Variants in ZNF292 observed in about 807,000 individuals in gnomAD.
ZNF292 encodes the protein zinc finger protein 292, also known as 16 zinc-finger domain protein.
Under a neutral mutation model 217.9 loss-of-function variants are expected in ZNF292, and 26 were observed. That is an observed-to-expected ratio of 0.12 (90% confidence interval 0.09 to 0.17). The LOEUF is 0.17. Ranked by LOEUF, ZNF292 falls within the 10% of genes least tolerant of loss-of-function variation. The pLI is 1.00. For synonymous variants in ZNF292, 1,257 were observed against 1,124.1 expected (o/e 1.12, Z -2.37); for missense variants, 2,904 against 3,175.2 (o/e 0.91, Z 2.05).
intron 4 of ZNF292, among the ~76,000 whole-genome samples, chr6:87,226,511 A>AT: frequency 6.6e-6 from 1 of 151,396 alleles, no homozygotes; most frequent in South Asian, 2.1e-4. Flanking sequence ...CTATTTTATA[A>AT]TTAAATATAA....
chr6:87,159,042 A>G (rs764736246), intron 1 of ZNF292, among the ~76,000 whole-genome samples: 2 of 152,354 alleles, frequency 1.3e-5, no homozygotes, highest in East Asian at 1.9e-4. Context: ...TTTACATTCT[A>G]TGTAATTTTT....
intron 1 of ZNF292, among the ~76,000 whole-genome samples, chr6:87,176,359 A>G (rs1368693463): frequency 1.3e-5 from 2 of 152,226 alleles, no homozygotes; most frequent in Non-Finnish European, 2.9e-5. Flanking sequence ...AGGGGAGCTT[A>G]ACAAGGCCTG....
At chr6:87,178,439 A>G (rs946160573) in intron 1 of ZNF292, among the ~76,000 whole-genome samples, 11 of 152,148 alleles carry the variant, frequency 7.2e-5, no homozygotes, top group Non-Finnish European at 4.4e-5. Context: ...TCTGAATTGG[A>G]TATCTATATT....
chr6:87,195,292 G>C (rs983169134), intron 1 of ZNF292, among the ~76,000 whole-genome samples: 3 of 152,172 alleles, frequency 2.0e-5, no homozygotes, highest in Non-Finnish European at 4.4e-5. Flanking sequence ...GAACAGAAAA[G>C]TATATTAGTA....
intron 1 of ZNF292, among the ~76,000 whole-genome samples, chr6:87,186,452 A>C (rs1274182139): frequency 1.3e-5 from 2 of 152,198 alleles, no homozygotes; most frequent in South Asian, 2.1e-4. Context: ...CTGTGAGTAC[A>C]CTTTGCATCT....
At chr6:87,229,839 A>G (rs781612372) in intron 4 of ZNF292, among the ~76,000 whole-genome samples, 1 of 152,228 alleles carries the variant, frequency 6.6e-6, no homozygotes, top group African/African-American at 2.4e-5. Flanking sequence ...AGGGAAGACA[A>G]TCAAGTGTGT....
chr6:87,243,935 C>T (rs1774438066), intron 6 of ZNF292, among the ~76,000 whole-genome samples: 1 of 152,098 alleles, frequency 6.6e-6, no homozygotes, highest in Non-Finnish European at 1.5e-5. Flanking sequence ...CAATACATTT[C>T]TTTTTATGGT....
intron 1 of ZNF292, among the ~76,000 whole-genome samples, chr6:87,156,651 A>G (rs778596304): frequency 6.6e-6 from 1 of 152,194 alleles, no homozygotes; most frequent in African/African-American, 2.4e-5. Flanking sequence ...ACTGAGGTTC[A>G]TGTGGATCTG....
At chr6:87,245,709 CT>C in intron 7 of ZNF292, 65 bp downstream of exon 7, 1 of 1,081,130 alleles carries the variant, frequency 9.2e-7, no homozygotes, top group Non-Finnish European at 1.2e-6. Flanking sequence ...AAGACTATAA[CT>C]TTTATGATTT....
At position 87,256,468 on chromosome 6, in the gene ZNF292, A is replaced by G; in HGVS notation, c.2839A>G (p.Ile947Val). 6.2e-7 allele frequency: 1 copy of G among 1,609,228 alleles called. No individual in the cohort carries two copies. Among genetic ancestry groups the G allele is most frequent in the Middle Eastern group, 1.6e-4 (1 of 6,062 alleles). The part of the protein sequence containing the change: ...VSIKVSLNQG[I>V]EDNFGKQENS... ...CATTAAGGTGTCTCTCAATCAGGGGATTGAGGATAACTTTGGAAAGCAAGA... is the reference window on the plus strand; with the variant it reads ...CATTAAGGTGTCTCTCAATCAGGGGGTTGAGGATAACTTTGGAAAGCAAGA... The change falls in exon 8 of 8, where the codon ATT becomes GTT. Residue 947 changes from isoleucine (I) to valine (V), a missense_variant. This residue lies in a region of ZNF292 where 687 missense variants were observed against 623.0 expected (regional missense o/e 1.10). Coordinates refer to ENST00000369577, the MANE Select transcript of ZNF292 (RefSeq NM_015021.3).
intron 1 of ZNF292, among the ~76,000 whole-genome samples, chr6:87,174,861 A>AAATTT (rs1562123321): frequency 6.6e-6 from 1 of 152,210 alleles, no homozygotes; most frequent in Non-Finnish European, 1.5e-5. Context: ...ATGCAAATAT[A>AAATTT]CTCAGTGCTA....
chr6:87,169,524 A>T (rs1445612556), intron 1 of ZNF292: 1 of 306,384 alleles, frequency 3.3e-6, no homozygotes, highest in African/African-American at 2.2e-5. Context: ...AATTAAGTCT[A>T]GCACTAATTT....
At chr6:87,208,881 G>A (rs4110985) in intron 1 of ZNF292, among the ~76,000 whole-genome samples, 95,252 of 151,984 alleles carry the variant, frequency 0.63, 31,335 homozygotes, top group African/African-American at 0.83. Context: ...GAAAAAAGGG[G>A]CTTGCTGTCT....
chr6:87,257,251 G>C lies in ZNF292; in HGVS notation c.3622G>C (p.Glu1208Gln). The C allele has an allele frequency of 6.2e-7, 1 of 1,613,740 alleles. No individual in the cohort carries two copies. Among genetic ancestry groups the C allele is most frequent in the South Asian group, 1.1e-5 (1 of 91,068 alleles). Residue 1208 changes from glutamate to glutamine, a missense_variant, in exon 8 of 8, where the codon GAA becomes CAA. Physicochemically the swap from Glu to Gln is conservative, Grantham distance 29 (BLOSUM62 2). This residue lies in a region of ZNF292 where 687 missense variants were observed against 623.0 expected (regional missense o/e 1.10). Coordinates refer to ENST00000369577, the MANE Select transcript of ZNF292 (RefSeq NM_015021.3). ...SVSTPLLSSMESVINPNITSQ... is the reference protein window; with the variant it reads ...SVSTPLLSSMQSVINPNITSQ... ...GTCAACTCCATTGTTGTCCTCAATGGAAAGTGTCATAAATCCAAATATAAC... is the reference window on the plus strand; with the variant it reads ...GTCAACTCCATTGTTGTCCTCAATGCAAAGTGTCATAAATCCAAATATAAC...
At position 87,259,172 on chromosome 6, in the gene ZNF292, A is replaced by G. The variant is rs1562191033; in HGVS notation, c.5543A>G (p.Lys1848Arg). 5 of 1,613,526 alleles carry G rather than the reference A, an allele frequency of 3.1e-6. No homozygotes were observed. The highest frequency in any genetic ancestry group is 4.2e-6 in the Non-Finnish European group (5 of 1,179,698). ...ATTTTAGAAGGCTTACAGAAATTAAAATTAGAAAATGACCTATCCACTCCA... is the reference window on the plus strand; with the variant it reads ...ATTTTAGAAGGCTTACAGAAATTAAGATTAGAAAATGACCTATCCACTCCA... ...QEILEGLQKL[K>R]LENDLSTPAS... is the part of the protein sequence containing the mutation. The change falls in exon 8 of 8, where the codon AAA (lysine) becomes AGA (arginine). Residue 1848 changes from lysine to arginine, a missense_variant. Coordinates refer to ENST00000369577, the MANE Select transcript of ZNF292 (RefSeq NM_015021.3).
intron 4 of ZNF292, among the ~76,000 whole-genome samples, chr6:87,227,544 T>C (rs998304830): frequency 6.6e-6 from 1 of 152,224 alleles, no homozygotes; most frequent in Non-Finnish European, 1.5e-5. Flanking sequence ...TCAGAACTTT[T>C]TCATCTTGAA....
chr6:87,261,814 T>C lies in ZNF292; in HGVS notation c.*13T>C. On this transcript the variant is annotated 3_prime_UTR_variant, in exon 8 of 8. Coordinates refer to ENST00000369577, the MANE Select transcript of ZNF292 (RefSeq NM_015021.3). The stretch of plus-strand genomic sequence containing the variant: ...AGGTCAGTACTGATAATTAATGTAG[T>C]ATAAATACATCATTTACCATTTTAT... The C allele has an allele frequency of 6.8e-7, 1 of 1,469,182 alleles. No individual in the cohort carries two copies. The allele number at this position is 1,469,182 out of a possible 1,614,324, so 91.0% of individuals were successfully genotyped here.
intron 7 of ZNF292, chr6:87,249,345 T>TC (rs1031706587): frequency 7.0e-6 from 3 of 430,884 alleles, no homozygotes; most frequent in African/African-American, 4.1e-5. Flanking sequence ...CAGATTTATC[T>TC]CCAACTCCTG....
Position 87,172,873 on chromosome 6 carries a change from A to G in ZNF292, c.168+17114A>G, listed in dbSNP as rs147085931. Among the ~76,000 whole-genome samples the G allele has an allele frequency of 6.1e-3, 919 of 151,696 alleles. 4 individuals carry two copies. Among genetic ancestry groups the G allele is most frequent in the African/African-American group, 0.021 (872 of 41,308 alleles). On this transcript the variant is annotated intron_variant, in intron 1 of 7. Coordinates refer to ENST00000369577, the MANE Select transcript of ZNF292 (RefSeq NM_015021.3). ...AGTGATCCAAGATTGCACCACTGCA[A>G]TCTGGGCGACAGAATGAGACTCTGT...
Sources: gnomAD v4.1 joint callset for allele counts (sites outside exome capture counted in the v4.1 genomes callset) on GRCh38, gnomAD v4.1.1 for gene constraint, gnomAD v4.1.1 regional missense constraint, MANE v1.5 for transcripts, NCBI Gene and HGNC (gene_info 2026-07-23, HGNC 2026-07-21) for gene names.